CNGB3: variants seen among roughly 807,000 people sequenced by gnomAD.
The protein encoded by CNGB3 is cyclic nucleotide-gated channel beta-3.
In CNGB3, 86 loss-of-function variants were observed where a neutral mutation model predicts 92.8. The observed-to-expected ratio is 0.93, with a 90% CI of 0.78 to 1.11. The LOEUF (loss-of-function observed/expected upper bound fraction) is 1.11, where lower values mean the gene tolerates loss of function less well. Among genes scored for constraint, CNGB3 ranks in the 50% least tolerant of loss-of-function variants. The probability of loss-of-function intolerance (pLI) is 0.00; values close to 1 mark genes in which losing one functional copy is unlikely to be tolerated. For missense variants in CNGB3, 1,026 were observed against 956.8 expected, an observed-to-expected ratio of 1.07 and a Z score of -0.95; for synonymous variants, 333 against 332.7, an observed-to-expected ratio of 1.00 and a Z score of -0.01.
intron 15 of CNGB3, chr8:86,594,522 C>T: frequency 3.1e-6 from 1 of 327,370 alleles, no homozygotes; most frequent in Middle Eastern, 4.3e-4. Flanking sequence ...TTGTCTTTGG[C>T]AGCCTCTTGG....
rs1322543872 is a variant in CNGB3, at chr8:86,653,331, A to T, written c.903+681T>A. 3.4e-5 allele frequency among the ~76,000 whole-genome samples: 5 copies of T among 148,508 alleles called. No individual in the cohort carries two copies. In the East Asian group the frequency reaches 9.8e-4, roughly 29 times the overall value. On this transcript the variant is annotated intron_variant, in intron 7 of 17. Transcript: ENST00000320005. ...TAATAAAGAAAATTAGTCGGAGATT[A>T]AAAAAAAAACAATTGAAAGGGATGT... is the stretch of plus-strand genomic sequence containing the variant.
Position 86,577,723 on chromosome 8 carries a change from G to A in CNGB3, c.2103+966C>T, listed in dbSNP as rs74757202. Among the ~76,000 whole-genome samples, 1,426 of 152,242 alleles carry A rather than the reference G, an allele frequency of 9.4e-3. 28 individuals carry two copies. Among genetic ancestry groups the A allele is most frequent in the African/African-American group, 0.032 (1,344 of 41,540 alleles). ...AACAGCACTGTAATGCCTGAATGAAGTTTACCTAACACACATATTTTCTCT... is the reference window on the plus strand; with the variant it reads ...AACAGCACTGTAATGCCTGAATGAAATTTACCTAACACACATATTTTCTCT... On this transcript the variant is annotated intron_variant, in intron 17 of 17. Coordinates refer to ENST00000320005, the MANE Select transcript of CNGB3 (RefSeq NM_019098.5).
intron 6 of CNGB3, chr8:86,658,996 G>T: frequency 9.4e-7 from 1 of 1,058,378 alleles, no homozygotes; most frequent in Non-Finnish European, 1.5e-6. Flanking sequence ...TGTCCTGCCA[G>T]ACCCTCCAGC....
chr8:86,605,971 T>C (rs1822403683), intron 14 of CNGB3, among the ~76,000 whole-genome samples: 1 of 152,180 alleles, frequency 6.6e-6, no homozygotes, highest in African/African-American at 2.4e-5. Flanking sequence ...ATTTCCTTTT[T>C]ACAAAAATTA....
chr8:86,725,740 G>A (rs781302629), intron 3 of CNGB3, among the ~76,000 whole-genome samples: 8 of 152,160 alleles, frequency 5.3e-5, no homozygotes, highest in South Asian at 4.1e-4. Context: ...GAGAGAAGGC[G>A]GGGTAGGGTG....
chr8:86,726,656 G>T lies in CNGB3; in HGVS notation c.213C>A (p.Asp71Glu), dbSNP rs1251635682. 1 of 1,613,418 alleles carries T rather than the reference G, an allele frequency of 6.2e-7. No individual in the cohort carries two copies. The highest frequency in any genetic ancestry group is 2.2e-5 in the East Asian group (1 of 44,860). Residue 71 changes from aspartate (D) to glutamate (E), a missense_variant and splice_region_variant, in exon 3 of 18, where the codon GAC becomes GAA. By Grantham distance (45) the Asp-to-Glu change is conservative. Coordinates refer to ENST00000320005, the MANE Select transcript of CNGB3 (RefSeq NM_019098.5). ...TSEEPHTNIQ[D>E]KLSKKNSSGD... is the part of the protein sequence containing the mutation. ...CAGAGGAATTTTTCTTGGAGAGTTT[G>T]TCTATGAAAAAAAAATTCACATAGA... is the stretch of plus-strand genomic sequence containing the variant.
intron 15 of CNGB3, among the ~76,000 whole-genome samples, chr8:86,580,606 T>C (rs1243231266): frequency 6.6e-6 from 1 of 152,188 alleles, no homozygotes; most frequent in Non-Finnish European, 1.5e-5. Context: ...GTGGGCTTTA[T>C]GTCTTGGAGG....
chr8:86,678,693 C>CA (rs2131625680), intron 3 of CNGB3, among the ~76,000 whole-genome samples: 1 of 152,106 alleles, frequency 6.6e-6, no homozygotes, highest in South Asian at 2.1e-4. Flanking sequence ...TCTATTGTCC[C>CA]AAAAATGTAA....
At chr8:86,634,112 T>C (rs959786691) in intron 10 of CNGB3, among the ~76,000 whole-genome samples, 1 of 152,152 alleles carries the variant, frequency 6.6e-6, no homozygotes, top group Admixed American at 6.6e-5. Flanking sequence ...AAAGAACATA[T>C]AACATTTACT....
chr8:86,693,061 T>A (rs529110168), intron 3 of CNGB3, among the ~76,000 whole-genome samples: 15 of 152,302 alleles, frequency 9.8e-5, no homozygotes, highest in African/African-American at 3.6e-4. Context: ...AGGACCCCAA[T>A]CCCTTCTGGC....
chr8:86,661,722 G>C, intron 6 of CNGB3: 1 of 1,490,938 alleles, frequency 6.7e-7, no homozygotes. Flanking sequence ...TGACCCATGG[G>C]TAGTGGTTGA....
intron 12 of CNGB3, 105 bp downstream of exon 12, chr8:86,628,814 G>T: frequency 8.2e-7 from 1 of 1,223,658 alleles, no homozygotes; most frequent in Non-Finnish European, 1.2e-6. Context: ...TCATTTAGTT[G>T]TTTTTCAACC....
intron 3 of CNGB3, among the ~76,000 whole-genome samples, chr8:86,700,424 G>A (rs1824533653): frequency 6.6e-6 from 1 of 151,960 alleles, no homozygotes; most frequent in Non-Finnish European, 1.5e-5. Context: ...TGATAGTCAT[G>A]GTAAAAATTC....
At chr8:86,718,130 C>G (rs1824897693) in intron 3 of CNGB3, among the ~76,000 whole-genome samples, 2 of 151,738 alleles carry the variant, frequency 1.3e-5, no homozygotes, top group Non-Finnish European at 2.9e-5. Flanking sequence ...AAAAAACAAC[C>G]CCAAACCCAG....
intron 3 of CNGB3, among the ~76,000 whole-genome samples, chr8:86,672,252 C>T (rs1000459431): frequency 2.0e-5 from 3 of 152,094 alleles, no homozygotes; most frequent in Non-Finnish European, 4.4e-5. Flanking sequence ...GTGCATGCCA[C>T]CACGCCTAGC....
intron 6 of CNGB3, among the ~76,000 whole-genome samples, chr8:86,662,077 GC>G (rs1823652773): frequency 6.6e-6 from 1 of 152,112 alleles, no homozygotes; most frequent in African/African-American, 2.4e-5. Flanking sequence ...TGCCGCCGCC[GC>G]CAACTCAGTC....
At chr8:86,729,061 C>A (rs377351218) in intron 2 of CNGB3, among the ~76,000 whole-genome samples, 1 of 152,060 alleles carries the variant, frequency 6.6e-6, no homozygotes. Flanking sequence ...CAGGCATGAG[C>A]CACCACACCC....
intron 10 of CNGB3, among the ~76,000 whole-genome samples, chr8:86,642,305 T>C (rs1384462811): frequency 6.6e-6 from 1 of 151,808 alleles, no homozygotes; most frequent in Non-Finnish European, 1.5e-5. Context: ...TTACTGTAGC[T>C]GGTATTTTAG....
chr8:86,719,110 C>A (rs1382532534), intron 3 of CNGB3, among the ~76,000 whole-genome samples: 2 of 151,472 alleles, frequency 1.3e-5, no homozygotes, highest in South Asian at 2.1e-4. Flanking sequence ...AGAAGTGGAA[C>A]AAGACAAAAA....
Sources: gnomAD v4.1 joint callset for allele counts (sites outside exome capture counted in the v4.1 genomes callset) on GRCh38, gnomAD v4.1.1 for gene constraint, MANE v1.5 for transcripts, NCBI Gene and HGNC (gene_info 2026-07-23, HGNC 2026-07-21) for gene names.